Variants in LRPPRC observed in about 807,000 individuals in gnomAD.
LRPPRC encodes leucine-rich PPR motif-containing protein, mitochondrial.
In LRPPRC, 120 loss-of-function variants were observed where a neutral mutation model predicts 180.3. That is an observed-to-expected ratio of 0.67 (90% CI 0.57 to 0.77). The LOEUF is 0.77. Among genes scored for constraint, LRPPRC ranks in the 30% least tolerant of loss-of-function variants. The pLI, the probability that LRPPRC is intolerant of heterozygous loss-of-function variation, is 0.00. For missense variants in LRPPRC, 2,012 were observed against 1,657.2 expected, an observed-to-expected ratio of 1.21 and a Z score of -3.72; for synonymous variants, 723 against 600.0, an observed-to-expected ratio of 1.21 and a Z score of -3.00.
chr2:43,936,835 A>G (rs1419971555), intron 23 of LRPPRC, among the ~76,000 whole-genome samples: 1 of 152,194 alleles, frequency 6.6e-6, no homozygotes, highest in East Asian at 1.9e-4. Context: ...TGCAGGCTGG[A>G]TTACTGTCAT....
chr2:43,922,555 C>T (rs917345522), intron 27 of LRPPRC, among the ~76,000 whole-genome samples: 5 of 152,116 alleles, frequency 3.3e-5, no homozygotes, highest in East Asian at 1.9e-4. Flanking sequence ...GTCAGGAGTT[C>T]GAGACCATCC....
intron 1 of LRPPRC, among the ~76,000 whole-genome samples, chr2:43,982,766 T>C (rs769512282): frequency 1.3e-5 from 2 of 152,188 alleles, no homozygotes; most frequent in African/African-American, 2.4e-5. Flanking sequence ...AACAAGGTAA[T>C]GACAGAAGAT....
intron 25 of LRPPRC, among the ~76,000 whole-genome samples, chr2:43,932,330 C>A (rs879269932): frequency 2.0e-5 from 3 of 152,016 alleles, no homozygotes; most frequent in Admixed American, 6.6e-5. Flanking sequence ...GCTTCAAATA[C>A]ACAGCAGCTC....
intron 23 of LRPPRC, among the ~76,000 whole-genome samples, chr2:43,939,381 T>G (rs1213893722): frequency 6.6e-6 from 1 of 152,172 alleles, no homozygotes; most frequent in Non-Finnish European, 1.5e-5. Flanking sequence ...ACTTTAAACT[T>G]ATACATTGTT....
chr2:43,938,040 A>C (rs1672336463), intron 23 of LRPPRC, among the ~76,000 whole-genome samples: 1 of 152,178 alleles, frequency 6.6e-6, no homozygotes, highest in African/African-American at 2.4e-5. Flanking sequence ...CAAAACTTTG[A>C]GCCCATGCTT....
intron 27 of LRPPRC, among the ~76,000 whole-genome samples, chr2:43,919,117 T>A (rs1321146046): frequency 3.9e-5 from 6 of 152,062 alleles, no homozygotes; most frequent in Admixed American, 3.9e-4. Context: ...AGCATTAGAT[T>A]CTCATAGGAG....
chr2:43,921,459 T>C (rs1225947315), intron 27 of LRPPRC, among the ~76,000 whole-genome samples: 1 of 151,756 alleles, frequency 6.6e-6, no homozygotes, highest in Non-Finnish European at 1.5e-5. Flanking sequence ...TATTGTTAAG[T>C]AAAACAAAAA....
At position 43,995,897 on chromosome 2, in the gene LRPPRC, G is replaced by T; in HGVS notation, c.51C>A (p.Ala17=). 1 of 1,512,106 alleles carries T rather than the reference G, an allele frequency of 6.6e-7. No individual in the cohort carries two copies. Among genetic ancestry groups the T allele is most frequent in the South Asian group, 1.2e-5 (1 of 81,716 alleles). 93.7% of individuals were successfully genotyped at this position (1,512,106 alleles called of 1,614,324 possible). The change falls in exon 1 of 38, where the codon GCC becomes GCA. Residue 17 remains alanine (A), a synonymous_variant. Coordinates refer to ENST00000260665, the MANE Select transcript of LRPPRC (RefSeq NM_133259.4). The part of the protein sequence containing the change: ...SARWLLRAGA[A]PRLPLSLRLL... ...GGCGCAGGGAGAGCGGGAGGCGCGG[G>T]GCCGCCCCGGCACGCAGCAACCAAC...
chr2:43,954,958 C>T (rs572184644), intron 14 of LRPPRC, among the ~76,000 whole-genome samples: 30 of 152,204 alleles, frequency 2.0e-4, no homozygotes, highest in African/African-American at 7.0e-4. Context: ...AAACTTCAAA[C>T]ACCTCTTACA....
In LRPPRC at chr2:43,973,865, T is replaced by A; in HGVS notation, c.1191A>T (p.Leu397Phe). The part of the protein sequence containing the change: ...VEKLTDYCKK[L>F]KEVQMHSFPL... ...GAAAGGAGTGCATCTGGACTTCCTT[T>A]AACTTCTTACAGTAGTCTGTTAGCT... The change falls in exon 10 of 38, where the codon TTA becomes TTT. Residue 397 changes from leucine (L) to phenylalanine (F), a missense_variant. By Grantham distance (22) the Leu-to-Phe change is conservative. Coordinates refer to ENST00000260665, the MANE Select transcript of LRPPRC (RefSeq NM_133259.4). 1.2e-6 allele frequency: 2 copies of A among 1,613,410 alleles called. No individual in the cohort carries two copies. Among genetic ancestry groups the A allele is most frequent in the East Asian group, 2.2e-5 (1 of 44,876 alleles).
At chr2:43,950,997 G>T (rs1172200952) in intron 14 of LRPPRC, among the ~76,000 whole-genome samples, 1 of 152,222 alleles carries the variant, frequency 6.6e-6, no homozygotes, top group Non-Finnish European at 1.5e-5. Context: ...CTGAACCCGG[G>T]AAGCGGAGGT....
At chr2:43,934,040 T>C (rs990996010) in intron 25 of LRPPRC, 150 bp downstream of exon 25, 5 of 605,340 alleles carry the variant, frequency 8.3e-6, no homozygotes, top group East Asian at 2.9e-5. Context: ...ATAAAGAAGC[T>C]GGCCGAGATC....
Position 43,960,568 on chromosome 2 carries a change from C to T in LRPPRC, c.1555G>A (p.Gly519Arg). The change falls in exon 13 of 38, where the codon GGG (glycine) becomes AGG (arginine). Residue 519 changes from glycine to arginine, a missense_variant. Gly to Arg is a moderately radical substitution (Grantham distance 125). Transcript: ENST00000260665. ...QAGLRSEAAN[G>R]NLDFVLSFLK... ...AATGATAATACAAAGTCTAAGTTCC[C>T]ATTTGCTGCTTCACTTCTCAATCCA... 6.3e-7 allele frequency: 1 copy of T among 1,597,960 alleles called. No individual in the cohort carries two copies. Among genetic ancestry groups the T allele is most frequent in the Non-Finnish European group, 8.6e-7 (1 of 1,166,482 alleles).
At chr2:43,931,627 G>A (rs764502155) in intron 25 of LRPPRC, among the ~76,000 whole-genome samples, 1 of 152,164 alleles carries the variant, frequency 6.6e-6, no homozygotes. Context: ...TTAAGGTAAT[G>A]GTGGTGGATT....
chr2:43,974,323 T>A, intron 8 of LRPPRC, 28 bp from the exon 9 acceptor site: 3 of 1,550,864 alleles, frequency 1.9e-6, no homozygotes, highest in African/African-American at 1.4e-5. Context: ...ACATCTTTTG[T>A]TAATAAACTG....
At chr2:43,932,181 A>G (rs954883632) in intron 25 of LRPPRC, among the ~76,000 whole-genome samples, 18 of 150,858 alleles carry the variant, frequency 1.2e-4, no homozygotes, top group Admixed American at 5.3e-4. Flanking sequence ...TATACTACAT[A>G]TAACACATGA....
chr2:43,933,405 C>T (rs1275642075), intron 25 of LRPPRC, among the ~76,000 whole-genome samples: 4 of 152,076 alleles, frequency 2.6e-5, no homozygotes, highest in South Asian at 2.1e-4. Flanking sequence ...TGACCAAAAG[C>T]GAAGTATAAT....
intron 36 of LRPPRC, among the ~76,000 whole-genome samples, chr2:43,892,515 A>G (rs1429826811): frequency 6.6e-6 from 1 of 152,206 alleles, no homozygotes; most frequent in Non-Finnish European, 1.5e-5. Context: ...CTGCTCAGGA[A>G]AAAAAAGATT....
intron 20 of LRPPRC, 72 bp downstream of exon 20, chr2:43,947,185 A>G (rs1672715877): frequency 2.9e-6 from 2 of 690,018 alleles, no homozygotes; most frequent in Middle Eastern, 3.9e-4. Flanking sequence ...CATAAATATT[A>G]TATTTGGTTT....
Sources: gnomAD v4.1 joint callset for allele counts (sites outside exome capture counted in the v4.1 genomes callset) on GRCh38, gnomAD v4.1.1 for gene constraint, MANE v1.5 for transcripts, NCBI Gene and HGNC (gene_info 2026-07-23, HGNC 2026-07-21) for gene names.